Variants in SERP2 observed in about 807,000 individuals in gnomAD.
SERP2 encodes the protein stress-associated endoplasmic reticulum protein 2.
In SERP2, 6 loss-of-function variants were observed where a neutral mutation model predicts 9.1. The ratio of observed to expected loss-of-function variants is 0.66; its 90% CI spans 0.36 to 1.30. SERP2 has a LOEUF of 1.30. Ranked by LOEUF, SERP2 falls within the 50% of genes most tolerant of loss-of-function variation. SERP2 has a pLI of 0.03. For synonymous variants in SERP2, 37 were observed against 27.3 expected (o/e 1.35, Z -1.10); for missense variants, 58 against 81.9 (o/e 0.71, Z 1.13).
chr13:44,391,718 C>CCAGGGTTTG (rs1360666295), intron 2 of SERP2, among the ~76,000 whole-genome samples: 1 of 152,124 alleles, frequency 6.6e-6, no homozygotes, highest in African/African-American at 2.4e-5. Context: ...TCCCTTAACT[C>CCAGGGTTTG]CAGGGTTTGG....
At chr13:44,395,548 G>T (rs111313124) in intron 2 of SERP2, among the ~76,000 whole-genome samples, 5,739 of 147,262 alleles carry the variant, frequency 0.039, 334 homozygotes, top group African/African-American at 0.14. Context: ...AGCTTGCAGT[G>T]AGCCGAGATC....
intron 1 of SERP2, among the ~76,000 whole-genome samples, chr13:44,374,396 C>A (rs1053411359): frequency 2.0e-5 from 3 of 152,206 alleles, no homozygotes; most frequent in Non-Finnish European, 4.4e-5. Context: ...CCGACCCGCA[C>A]CCCCTGTCCC....
At chr13:44,396,045 G>C (rs1198320159) in intron 2 of SERP2, 1 of 250,656 alleles carries the variant, frequency 4.0e-6, no homozygotes, top group Non-Finnish European at 8.1e-6. Flanking sequence ...CTCATGAAAA[G>C]TTAGCATTGA....
At chr13:44,395,603 C>CAA (rs369797464) in intron 2 of SERP2, among the ~76,000 whole-genome samples, 35 of 50,624 alleles carry the variant, frequency 6.9e-4, no homozygotes, top group Middle Eastern at 8.9e-3. Context: ...GACTCCGTCT[C>CAA]AAAAAAAAAA....
chr13:44,397,199 C>T, intron 2 of SERP2, 73 bp from the exon 3 acceptor site: 3 of 1,268,068 alleles, frequency 2.4e-6, no homozygotes, highest in South Asian at 1.2e-5. Flanking sequence ...CTGCAGAAGC[C>T]GGGCTCACTG....
At chr13:44,397,047 G>A (rs1229683574) in intron 2 of SERP2, among the ~76,000 whole-genome samples, 1 of 152,248 alleles carries the variant, frequency 6.6e-6, no homozygotes, top group Non-Finnish European at 1.5e-5. Flanking sequence ...ATTAGCAGGA[G>A]TTATCTATAA....
rs553459263 is a variant in SERP2, at chr13:44,397,430, C to T, written c.*118C>T. On this transcript the variant is annotated 3_prime_UTR_variant, in exon 3 of 3. Coordinates refer to ENST00000379179, the MANE Select transcript of SERP2 (RefSeq NM_001010897.3). ...CACGGAATAGAAAAAAACGCTCCCC[C>T]ACTTGTTCCCTGATCACTTCATCGT... The T allele has an allele frequency of 2.4e-5, 18 of 763,674 alleles. No individual in the cohort carries two copies. The highest frequency in any genetic ancestry group is 7.5e-5 in the South Asian group (5 of 66,660). 47.3% of individuals were successfully genotyped at this position (763,674 alleles called of 1,614,324 possible).
chr13:44,391,559 T>A (rs1209313893), intron 2 of SERP2, among the ~76,000 whole-genome samples: 1 of 152,044 alleles, frequency 6.6e-6, no homozygotes, highest in Non-Finnish European at 1.5e-5. Flanking sequence ...ATTTCAGCCA[T>A]GAAACAATGT....
intron 2 of SERP2, among the ~76,000 whole-genome samples, chr13:44,387,600 T>C (rs1872393075): frequency 6.6e-6 from 1 of 152,208 alleles, no homozygotes; most frequent in Non-Finnish European, 1.5e-5. Flanking sequence ...TACATGTTTC[T>C]TGTGGTCTCA....
chr13:44,380,829 A>C (rs567170515), intron 2 of SERP2, among the ~76,000 whole-genome samples: 1 of 152,292 alleles, frequency 6.6e-6, no homozygotes, highest in African/African-American at 2.4e-5. Flanking sequence ...AGCCTATTCC[A>C]TGTCTGCTGG....
At chr13:44,383,550 T>TG (rs1566091638) in intron 2 of SERP2, among the ~76,000 whole-genome samples, 1 of 102,346 alleles carries the variant, frequency 9.8e-6, no homozygotes, top group African/African-American at 3.0e-5. Context: ...TTGCGTTTTT[T>TG]TTGTTTTTTT....
chr13:44,385,292 A>G (rs1224443466), intron 2 of SERP2, among the ~76,000 whole-genome samples: 1 of 152,182 alleles, frequency 6.6e-6, no homozygotes, highest in Non-Finnish European at 1.5e-5. Context: ...ATGAAAAGGA[A>G]GGAATGAGGA....
chr13:44,382,165 G>A (rs145055489), intron 2 of SERP2, among the ~76,000 whole-genome samples: 19 of 151,740 alleles, frequency 1.3e-4, no homozygotes, highest in Admixed American at 2.0e-4. Flanking sequence ...TAGGCTGGGC[G>A]CGGTGGCTCA....
chr13:44,391,311 C>T (rs1872749281), intron 2 of SERP2, among the ~76,000 whole-genome samples: 2 of 152,100 alleles, frequency 1.3e-5, no homozygotes, highest in Non-Finnish European at 2.9e-5. Context: ...CTAAAGGCAG[C>T]CATTTGATGC....
At chr13:44,397,195 A>C in intron 2 of SERP2, 77 bp from the exon 3 acceptor site, 1 of 1,204,476 alleles carries the variant, frequency 8.3e-7, no homozygotes, top group South Asian at 1.2e-5. Flanking sequence ...GGGTCTGCAG[A>C]AGCCGGGCTC....
intron 1 of SERP2, among the ~76,000 whole-genome samples, chr13:44,375,628 C>G (rs951299752): frequency 1.3e-5 from 2 of 152,184 alleles, no homozygotes; most frequent in African/African-American, 4.8e-5. Flanking sequence ...CTCAAGGGAT[C>G]AGACCTGCTA....
At chr13:44,376,597 C>T (rs1211661316) in intron 1 of SERP2, among the ~76,000 whole-genome samples, 3 of 151,926 alleles carry the variant, frequency 2.0e-5, no homozygotes, top group African/African-American at 4.8e-5. Context: ...CAACATGGCA[C>T]AACCCCGTAT....
intron 2 of SERP2, among the ~76,000 whole-genome samples, chr13:44,380,643 G>A (rs1723273626): frequency 6.6e-6 from 1 of 152,198 alleles, no homozygotes; most frequent in African/African-American, 2.4e-5. Flanking sequence ...AGGATCCAAA[G>A]TACTTGGCAT....
chr13:44,388,010 C>G (rs1872413688), intron 2 of SERP2, among the ~76,000 whole-genome samples: 1 of 152,158 alleles, frequency 6.6e-6, no homozygotes, highest in Non-Finnish European at 1.5e-5. Flanking sequence ...TCTGGGGTAA[C>G]AGGATTAACT....
Sources: allele counts gnomAD v4.1 joint callset (sites outside exome capture counted in the v4.1 genomes callset), GRCh38; gene constraint gnomAD v4.1.1; transcripts MANE v1.5; gene names NCBI Gene and HGNC (gene_info 2026-07-23, HGNC 2026-07-21).